Variants in DMD observed in about 807,000 individuals in gnomAD.
The protein encoded by DMD is mutant dystrophin.
DMD carries 63 observed loss-of-function variants against 330.1 expected under a neutral mutation model. The observed-to-expected ratio is 0.19, with a 90% confidence interval of 0.16 to 0.24. The LOEUF is 0.24. Ranked by LOEUF, DMD falls within the 10% of genes least tolerant of loss-of-function variation. The probability of loss-of-function intolerance (pLI) is 1.00; values close to 1 mark genes in which losing one functional copy is unlikely to be tolerated. For synonymous variants in DMD, 1,223 were observed against 959.8 expected (o/e 1.27, Z -5.07); for missense variants, 3,344 against 2,684.1 (o/e 1.25, Z -5.43).
At chrX:32,472,115 A>G (rs750490202) in intron 22 of DMD, 49 bp downstream of exon 22, 2 of 1,179,787 alleles carry the variant, frequency 1.7e-6, no homozygotes, top group South Asian at 3.5e-5. Context: ...ATCAATGTGA[A>G]TGCTTGATAA....
intron 51 of DMD, among the ~76,000 whole-genome samples, chrX:31,755,155 C>T (rs1418764204): frequency 2.7e-5 from 3 of 111,647 alleles, no homozygotes; most frequent in Non-Finnish European, 5.6e-5. Flanking sequence ...TCACAGTCAA[C>T]ACTAGAGGCC....
intron 34 of DMD, among the ~76,000 whole-genome samples, chrX:32,374,339 G>C (rs749283523): frequency 9.0e-6 from 1 of 111,250 alleles, no homozygotes; most frequent in African/African-American, 3.3e-5. Flanking sequence ...TGTTTTTGTT[G>C]CATTTGTCAT....
chrX:32,161,917 C>T (rs1457453388), intron 44 of DMD, among the ~76,000 whole-genome samples: 2 of 111,672 alleles, frequency 1.8e-5, no homozygotes, highest in Non-Finnish European at 1.9e-5. Context: ...AGGCTAAGTT[C>T]GGTGAAATAA....
chrX:33,162,486 A>C (rs1347842424), intron 1 of DMD, among the ~76,000 whole-genome samples: 1 of 111,713 alleles, frequency 9.0e-6, no homozygotes, highest in Non-Finnish European at 1.9e-5. Context: ...GCACTTAGAA[A>C]AAGATAAAAG....
At chrX:32,911,190 G>A (rs1230348936) in intron 2 of DMD, among the ~76,000 whole-genome samples, 1 of 111,832 alleles carries the variant, frequency 8.9e-6, no homozygotes, top group Non-Finnish European at 1.9e-5. Context: ...CAAAATGATT[G>A]AACAATACTA....
At chrX:32,754,598 A>C (rs919565162) in intron 7 of DMD, among the ~76,000 whole-genome samples, 4 of 111,007 alleles carry the variant, frequency 3.6e-5, no homozygotes, top group African/African-American at 1.3e-4. Context: ...CAACCTGATG[A>C]GACCATCACA....
chrX:32,050,154 G>A (rs1312213722), intron 44 of DMD, among the ~76,000 whole-genome samples: 1 of 111,440 alleles, frequency 9.0e-6, no homozygotes, highest in Non-Finnish European at 1.9e-5. Flanking sequence ...GTCCGGAAAT[G>A]TTCATAGACT....
chrX:32,587,228 T>A (rs1017003508), intron 13 of DMD, among the ~76,000 whole-genome samples: 1 of 112,100 alleles, frequency 8.9e-6, no homozygotes, highest in African/African-American at 3.2e-5. Flanking sequence ...TAGCATTTTC[T>A]TTCCAAGTGG....
At position 31,840,548 on chromosome X, in the gene DMD, G is replaced by GC. The variant is rs1391746606; in HGVS notation, c.7099-3730dup. ...TTGCCTTATTGGCTCTGCAGATACT[G>GC]CTTTTTTTTTTTTTTTTTTTTTACA... On this transcript the variant is annotated intron_variant, in intron 48 of 78. Transcript: ENST00000357033. 3.5e-3 allele frequency among the ~76,000 whole-genome samples: 264 copies of GC among 74,730 alleles called. 2 individuals are homozygous for GC. Among genetic ancestry groups the GC allele is most frequent in the African/African-American group, 0.015 (249 of 16,850 alleles). 64.9% of individuals were successfully genotyped at this position (74,730 alleles called of 115,157 possible).
chrX:32,327,069 A>T (rs2097654389), intron 41 of DMD, among the ~76,000 whole-genome samples: 1 of 109,163 alleles, frequency 9.2e-6, no homozygotes, highest in Non-Finnish European at 1.9e-5. Flanking sequence ...GTGCTAAATT[A>T]TTTCCCCAAA....
chrX:31,564,035 G>C (rs1302781417), intron 55 of DMD, among the ~76,000 whole-genome samples: 3 of 110,957 alleles, frequency 2.7e-5, no homozygotes, highest in African/African-American at 9.9e-5. Context: ...TACACAGGGG[G>C]CATGCCATGT....
rs138610191 is a variant in DMD at position 31,340,695 on chromosome X, T to C, written c.9163+7861A>G. 2.8e-4 allele frequency among the ~76,000 whole-genome samples: 32 copies of C among 112,286 alleles called. No individual in the cohort carries two copies. The East Asian group carries it at 8.1e-3, about 28-fold the overall frequency. Reference sequence around the variant, plus strand: ...AGAAGCAACAGAAAAGGTCACATTATTTATTGAGTGTCTACTATGTGATAG... The same window carrying C: ...AGAAGCAACAGAAAAGGTCACATTACTTATTGAGTGTCTACTATGTGATAG... On this transcript the variant is annotated intron_variant, in intron 61 of 78. Transcript: ENST00000357033.
chrX:32,355,392 C>T (rs1033510561), intron 37 of DMD, among the ~76,000 whole-genome samples: 2 of 110,964 alleles, frequency 1.8e-5, no homozygotes, highest in Non-Finnish European at 3.8e-5. Context: ...AGTCTCTGGT[C>T]CAAAGCAAAA....
chrX:32,736,310 T>C (rs984430277), intron 7 of DMD, among the ~76,000 whole-genome samples: 3 of 111,557 alleles, frequency 2.7e-5, no homozygotes, highest in Non-Finnish European at 3.8e-5. Context: ...ACTTTTTCAC[T>C]GTTGGTGGGA....
At chrX:33,150,199 C>A (rs1266233627) in intron 1 of DMD, among the ~76,000 whole-genome samples, 1 of 110,747 alleles carries the variant, frequency 9.0e-6, no homozygotes, top group African/African-American at 3.3e-5. Flanking sequence ...TTCTCTACTG[C>A]ACAGAAACGA....
At position 32,998,650 on chromosome X, in the gene DMD, TAC is replaced by T. The variant is rs74957846; in HGVS notation, c.93+21487_93+21488del. ...ACACATTTGCATATATATGTTTATA[TAC>T]ACACACACACACAAATGCTACATAT... On this transcript the variant is annotated intron_variant, in intron 2 of 78. Coordinates refer to ENST00000357033, the MANE Select transcript of DMD (RefSeq NM_004006.3). 1.2e-3 allele frequency among the ~76,000 whole-genome samples: 133 copies of T among 107,261 alleles called. 2 individuals are homozygous for T. Among genetic ancestry groups the T allele is most frequent in the African/African-American group, 3.9e-3 (116 of 29,811 alleles). The allele number at this position is 107,261 out of a possible 115,157, so 93.1% of individuals were successfully genotyped here. A position where few individuals can be genotyped will look rare whatever the true frequency, so the allele number is the denominator to read the frequency against.
At chrX:31,199,689 T>C (rs897432517) in intron 67 of DMD, among the ~76,000 whole-genome samples, 4 of 111,982 alleles carry the variant, frequency 3.6e-5, no homozygotes, top group Non-Finnish European at 5.6e-5. Flanking sequence ...CCTTTCTAAC[T>C]GTACCAACCT....
At chrX:32,415,750 G>A (rs2098163830) in intron 29 of DMD, among the ~76,000 whole-genome samples, 1 of 111,737 alleles carries the variant, frequency 8.9e-6, no homozygotes, top group African/African-American at 3.3e-5. Context: ...TTTAATAACT[G>A]GCGATCAATG....
At chrX:31,898,607 C>G (rs1460581389) in intron 47 of DMD, among the ~76,000 whole-genome samples, 1 of 111,758 alleles carries the variant, frequency 8.9e-6, no homozygotes, top group Non-Finnish European at 1.9e-5. Context: ...ACACCTTATA[C>G]AAAAATCAAT....
Sources: allele counts gnomAD v4.1 joint callset (sites outside exome capture counted in the v4.1 genomes callset), GRCh38; gene constraint gnomAD v4.1.1; transcripts MANE v1.5; gene names NCBI Gene and HGNC (gene_info 2026-07-23, HGNC 2026-07-21).